The following MATK variants were observed in gnomAD, a reference collection of about 807,000 sequenced individuals.
MATK encodes the protein megakaryocyte-associated tyrosine kinase, also known as megakaryocyte-associated tyrosine-protein kinase.
MATK carries 41 observed loss-of-function variants against 59.8 expected under a neutral mutation model. The observed-to-expected ratio is 0.69, with a 90% CI of 0.53 to 0.89. The LOEUF is 0.89. Among genes scored for constraint, MATK ranks in the 40% least tolerant of loss-of-function variants. MATK has a pLI of 0.00. For synonymous variants in MATK, 308 were observed against 306.1 expected, an observed-to-expected ratio of 1.01 and a Z score of -0.06; for missense variants, 593 against 719.6, an observed-to-expected ratio of 0.82 and a Z score of 2.01.
At chr19:3,779,509 C>G in intron 10 of MATK, 24 bp downstream of exon 10, 1 of 1,599,436 alleles carries the variant, frequency 6.3e-7, no homozygotes, top group Non-Finnish European at 8.5e-7. Context: ...CGTGGGCCCC[C>G]TCCCCGCCTG....
intron 1 of MATK, among the ~76,000 whole-genome samples, chr19:3,796,529 A>T (rs2037596133): frequency 6.6e-6 from 1 of 152,184 alleles, no homozygotes; most frequent in African/African-American, 2.4e-5. Context: ...TACTAAGAAC[A>T]TTATTTTCTG....
chr19:3,795,126 C>T (rs534470037), intron 1 of MATK, among the ~76,000 whole-genome samples: 26 of 151,198 alleles, frequency 1.7e-4, no homozygotes, highest in African/African-American at 5.8e-4. Context: ...TACAGGCGCC[C>T]GCCACCACAC....
In MATK at chr19:3,779,834, A is replaced by AC. The variant is rs745453143; in HGVS notation, c.743-38dup. ...GGGTGGGGAACGGGGTGAGATCAGG[A>AC]CCCCCAACAAACAGGGACAGAGAGA... On this transcript the variant is annotated intron_variant, in intron 8 of 13. Coordinates refer to ENST00000310132, the MANE Select transcript of MATK (RefSeq NM_139355.3). 1.3e-5 allele frequency: 16 copies of AC among 1,269,620 alleles called. No homozygotes were observed. In the African/African-American group the frequency reaches 2.2e-4, roughly 17 times the overall value. 78.6% of individuals were successfully genotyped at this position (1,269,620 alleles called of 1,614,324 possible).
chr19:3,787,257 C>T (rs1037900346), upstream of MATK, among the ~76,000 whole-genome samples: 9 of 151,682 alleles, frequency 5.9e-5, no homozygotes, highest in Admixed American at 1.3e-4. Context: ...CTCAGCCTCC[C>T]GTGTAGCTGG....
At position 3,779,592 on chromosome 19, in the gene MATK, G is replaced by A. The variant is rs201691967; in HGVS notation, c.868C>T (p.Arg290Cys). 9.9e-6 allele frequency: 16 copies of A among 1,611,834 alleles called. No individual in the cohort carries two copies. The highest frequency in any genetic ancestry group is 6.7e-5 in the East Asian group (3 of 44,818). The part of the protein sequence containing the change: ...MTKMQHENLV[R>C]LLGVILHQGL... ...TGGTGCAGGATCACGCCCAGGAGAC[G>A]CACCAGGTTCTCGTGTTGCATCTTC... The change falls in exon 10 of 14, where the codon CGT becomes TGT. Residue 290 changes from arginine to cysteine, a missense_variant. Transcript: ENST00000310132.
chr19:3,790,160 A>T (rs2037527322), upstream of MATK, among the ~76,000 whole-genome samples: 1 of 152,178 alleles, frequency 6.6e-6, no homozygotes, highest in East Asian at 1.9e-4. Context: ...GCCACTTTGA[A>T]TCACAAAGAC....
intron 6 of MATK, chr19:3,783,427 A>G: frequency 1.7e-6 from 1 of 604,168 alleles, no homozygotes; most frequent in Admixed American, 2.9e-5. Context: ...GGGGGTCCCC[A>G]GAGGAGTCAC....
chr19:3,795,167 A>C (rs933531763), intron 1 of MATK, among the ~76,000 whole-genome samples: 5 of 149,774 alleles, frequency 3.3e-5, no homozygotes, highest in African/African-American at 9.8e-5. Flanking sequence ...TTAGTAGAGA[A>C]GGGATTTCAT....
At chr19:3,781,347 G>C (rs1280413595) in intron 8 of MATK, among the ~76,000 whole-genome samples, 1 of 152,096 alleles carries the variant, frequency 6.6e-6, no homozygotes, top group Non-Finnish European at 1.5e-5. Flanking sequence ...CAAACAGTGG[G>C]ACTGACCATA....
At chr19:3,780,912 C>T (rs1318824335) in intron 8 of MATK, among the ~76,000 whole-genome samples, 3 of 150,194 alleles carry the variant, frequency 2.0e-5, no homozygotes, top group African/African-American at 4.9e-5. Context: ...TTTTTTTGTA[C>T]AGATGGGGGT....
chr19:3,778,658 C>T (rs45508502), intron 12 of MATK, 63 bp from the exon 13 acceptor site: 124,286 of 1,530,878 alleles, frequency 0.081, 5,518 homozygotes, highest in Non-Finnish European at 0.089. Flanking sequence ...GCCCCTGCTT[C>T]CTCCAGGAAG....
intron 8 of MATK, among the ~76,000 whole-genome samples, chr19:3,781,133 A>C (rs1166556249): frequency 1.3e-5 from 2 of 152,180 alleles, no homozygotes; most frequent in Non-Finnish European, 2.9e-5. Flanking sequence ...CATAGTTTTC[A>C]TGGCCACGCC....
At position 3,778,259 on chromosome 19, in the gene MATK, C is replaced by T. The variant is rs374552373; in HGVS notation, c.1448G>A (p.Arg483His). ...KLAEKLAREL[R>H]SAGAPASVSG... ...GACGGAGGCTGGGGCACCTGCACTGCGTAGCTCCCGGGCCAGCTTCTCGGC... is the reference window on the plus strand; with the variant it reads ...GACGGAGGCTGGGGCACCTGCACTGTGTAGCTCCCGGGCCAGCTTCTCGGC... Residue 483 changes from arginine to histidine, a missense_variant, in exon 14 of 14, where the codon CGC (arginine) becomes CAC (histidine). Physicochemically the swap from Arg to His is conservative, Grantham distance 29. Transcript: ENST00000310132. The T allele has an allele frequency of 2.7e-5, 42 of 1,575,444 alleles. No individual in the cohort carries two copies. The highest frequency in any genetic ancestry group is 3.5e-5 in the Non-Finnish European group (41 of 1,168,596).
chr19:3,798,005 G>T (rs1184293960), intron 1 of MATK, among the ~76,000 whole-genome samples: 1 of 151,732 alleles, frequency 6.6e-6, no homozygotes, highest in African/African-American at 2.4e-5. Flanking sequence ...ACACATCACT[G>T]TACTCCAGCC....
intron 8 of MATK, among the ~76,000 whole-genome samples, chr19:3,780,377 C>G (rs1243983866): frequency 3.3e-5 from 5 of 152,150 alleles, no homozygotes; most frequent in Admixed American, 3.3e-4. Flanking sequence ...CCTATCACCT[C>G]TTTTTGCAAG....
At chr19:3,781,538 T>C (rs1243344982) in intron 8 of MATK, 69 bp downstream of exon 8, 1 of 1,520,644 alleles carries the variant, frequency 6.6e-7, no homozygotes, top group Non-Finnish European at 9.1e-7. Context: ...AATTCAGCTC[T>C]GTGACTCCAA....
intron 4 of MATK, 23 bp downstream of exon 4, chr19:3,784,315 C>G: frequency 6.3e-7 from 1 of 1,591,938 alleles, no homozygotes. Context: ...CCCAAGCACC[C>G]ACACCCGCCG....
intron 6 of MATK, 26 bp downstream of exon 6, chr19:3,783,788 G>T: frequency 6.3e-7 from 1 of 1,599,336 alleles, no homozygotes. Flanking sequence ...CTGCAGGGAC[G>T]GGGTGGGGCC....
intron 1 of MATK, among the ~76,000 whole-genome samples, chr19:3,796,441 A>G (rs567274414): frequency 6.6e-5 from 10 of 152,342 alleles, no homozygotes; most frequent in Non-Finnish European, 1.5e-4. Context: ...CAGTTAAATC[A>G]CAATTTTTGC....
Sources: allele counts gnomAD v4.1 joint callset (sites outside exome capture counted in the v4.1 genomes callset), GRCh38; gene constraint gnomAD v4.1.1; transcripts MANE v1.5; gene names NCBI Gene and HGNC (gene_info 2026-07-23, HGNC 2026-07-21).